CDH12: variants seen among roughly 807,000 people sequenced by gnomAD.
The protein encoded by CDH12 is cadherin-12.
CDH12 carries 41 observed loss-of-function variants against 74.1 expected under a neutral mutation model. The ratio of observed to expected loss-of-function variants is 0.55; its 90% CI spans 0.43 to 0.72. The LOEUF is 0.72. Ranked by LOEUF, CDH12 falls within the 30% of genes least tolerant of loss-of-function variation. The pLI is 0.00. For missense variants in CDH12, 945 were observed against 977.2 expected, an observed-to-expected ratio of 0.97 and a Z score of 0.44; for synonymous variants, 399 against 355.0, an observed-to-expected ratio of 1.12 and a Z score of -1.39.
At chr5:21,949,439 G>C (rs1189734942) in intron 6 of CDH12, among the ~76,000 whole-genome samples, 1 of 138,806 alleles carries the variant, frequency 7.2e-6, no homozygotes, top group African/African-American at 2.9e-5. Context: ...GACAGAACGA[G>C]ACTCTGTCTC....
At chr5:22,604,654 A>G (rs527302195) in intron 1 of CDH12, among the ~76,000 whole-genome samples, 7 of 152,302 alleles carry the variant, frequency 4.6e-5, no homozygotes, top group East Asian at 3.9e-4. Flanking sequence ...AGATAAAAGC[A>G]CCAACCAACA....
At chr5:22,339,742 C>A (rs1423964590) in intron 3 of CDH12, among the ~76,000 whole-genome samples, 1 of 152,086 alleles carries the variant, frequency 6.6e-6, no homozygotes, top group Non-Finnish European at 1.5e-5. Flanking sequence ...ATTCACAAGC[C>A]TTTAGCAGGT....
intron 2 of CDH12, among the ~76,000 whole-genome samples, chr5:22,434,767 T>C (rs1466994802): frequency 6.9e-6 from 1 of 145,728 alleles, no homozygotes; most frequent in Non-Finnish European, 1.5e-5. Flanking sequence ...TTTTGTGTGC[T>C]TTTTTTTTCT....
At chr5:22,017,363 T>A (rs1020070433) in intron 5 of CDH12, among the ~76,000 whole-genome samples, 6 of 152,038 alleles carry the variant, frequency 3.9e-5, no homozygotes, top group Non-Finnish European at 8.8e-5. Flanking sequence ...CAATTCCAGA[T>A]AAAGGGAACT....
chr5:22,623,782 A>G (rs1580826397), intron 1 of CDH12, among the ~76,000 whole-genome samples: 1 of 152,184 alleles, frequency 6.6e-6, no homozygotes, highest in African/African-American at 2.4e-5. Flanking sequence ...TCAAGCTACC[A>G]ATGACTTTCT....
chr5:22,033,248 C>T (rs1738949408), intron 5 of CDH12, among the ~76,000 whole-genome samples: 1 of 152,098 alleles, frequency 6.6e-6, no homozygotes, highest in Admixed American at 6.6e-5. Flanking sequence ...GTAGTCTCAG[C>T]ATTACAAGAA....
rs534589061 is a variant in CDH12, at chr5:22,032,813, T to TACAC, written c.231+45632_231+45633insGTGT. 3.9e-3 allele frequency among the ~76,000 whole-genome samples: 580 copies of TACAC among 148,762 alleles called. 8 individuals carry two copies. The highest frequency in any genetic ancestry group is 0.014 in the Middle Eastern group (4 of 280). ...TATTTATATATATATAGTGTGTATA[T>TACAC]ATACACACACACACACACACACGCA... On this transcript the variant is annotated intron_variant, in intron 5 of 14. Transcript: ENST00000382254.
At chr5:22,292,325 G>A (rs1737423027) in intron 3 of CDH12, among the ~76,000 whole-genome samples, 1 of 134,400 alleles carries the variant, frequency 7.4e-6, no homozygotes, top group South Asian at 2.5e-4. Flanking sequence ...GTTGCTTTTT[G>A]GGGTTTTTGG....
chr5:22,706,478 G>A lies in CDH12; in HGVS notation c.-523+146580C>T, dbSNP rs1386544. Among the ~76,000 whole-genome samples the A allele has an allele frequency of 4.0e-5, 6 of 151,774 alleles. No individual in the cohort carries two copies. The South Asian group carries it at 1.2e-3, about 32-fold the overall frequency. ...ATAAATAATATGAATGTTTTGGTAT[G>A]TTACATTTATTTTTATAATTTATTT... is the stretch of plus-strand genomic sequence containing the variant. On this transcript the variant is annotated intron_variant, in intron 1 of 14. Coordinates refer to ENST00000382254, the MANE Select transcript of CDH12 (RefSeq NM_004061.5).
rs187840813 is a variant in CDH12 at position 22,136,873 on chromosome 5, T to C, written c.-186-58011A>G. On this transcript the variant is annotated intron_variant, in intron 4 of 14. Coordinates refer to ENST00000382254, the MANE Select transcript of CDH12 (RefSeq NM_004061.5). ...GCCTATATCATTTAAGACCTGAAAC[T>C]TGACCAAGCAGAATAAATGAATGAA... 9.6e-3 allele frequency among the ~76,000 whole-genome samples: 1,454 copies of C among 151,792 alleles called. 72 individuals are homozygous for C. Among genetic ancestry groups the C allele is most frequent in the Admixed American group, 0.083 (1,262 of 15,190 alleles).
rs1002184749 is a variant in CDH12, at chr5:22,112,977, G to A, written c.-186-34115C>T. ...AGTGAGCTTTCAATCAAGCATGGTCGTAGTTATTTTAACATTAAGATGAAA... is the reference window on the plus strand; with the variant it reads ...AGTGAGCTTTCAATCAAGCATGGTCATAGTTATTTTAACATTAAGATGAAA... On this transcript the variant is annotated intron_variant, in intron 4 of 14. Transcript: ENST00000382254. Among the ~76,000 whole-genome samples, 6 of 152,074 alleles carry A rather than the reference G, an allele frequency of 3.9e-5. 1 individual carries two copies. The highest frequency in any genetic ancestry group is 4.1e-4 in the South Asian group (2 of 4,822).
chr5:22,410,895 G>C (rs1403040221), intron 2 of CDH12, among the ~76,000 whole-genome samples: 1 of 152,068 alleles, frequency 6.6e-6, no homozygotes, highest in African/African-American at 2.4e-5. Flanking sequence ...GGGGGAAGGA[G>C]TGGCAAAGAA....
intron 1 of CDH12, among the ~76,000 whole-genome samples, chr5:22,642,299 GAAT>G (rs1323041986): frequency 6.6e-6 from 1 of 152,154 alleles, no homozygotes; most frequent in Non-Finnish European, 1.5e-5. Context: ...TAGGCTACTA[GAAT>G]AACACAATTT....
At chr5:22,451,845 C>T (rs889621669) in intron 2 of CDH12, among the ~76,000 whole-genome samples, 11 of 151,418 alleles carry the variant, frequency 7.3e-5, no homozygotes, top group African/African-American at 2.7e-4. Context: ...GTAGTGTAGA[C>T]TCCACTAATA....
chr5:22,131,639 T>C (rs1008343712), intron 4 of CDH12, among the ~76,000 whole-genome samples: 16 of 152,246 alleles, frequency 1.1e-4, no homozygotes, highest in African/African-American at 3.8e-4. Flanking sequence ...GCACACACTG[T>C]CAATAGGCAA....
intron 4 of CDH12, among the ~76,000 whole-genome samples, chr5:22,100,954 T>G (rs1257441822): frequency 6.6e-6 from 1 of 152,122 alleles, no homozygotes; most frequent in Non-Finnish European, 1.5e-5. Context: ...TTACATGAAA[T>G]TTATTCTTGA....
At chr5:22,171,033 T>C (rs982440266) in intron 4 of CDH12, among the ~76,000 whole-genome samples, 2 of 151,772 alleles carry the variant, frequency 1.3e-5, no homozygotes, top group African/African-American at 4.8e-5. Flanking sequence ...TTTTTGCCAG[T>C]TTTAACAGTT....
chr5:21,888,078 T>C (rs1461513401), intron 6 of CDH12, among the ~76,000 whole-genome samples: 3 of 152,246 alleles, frequency 2.0e-5, no homozygotes, highest in South Asian at 2.1e-4. Flanking sequence ...CTGAAAAGAC[T>C]GCTACATTAG....
chr5:21,923,179 AC>A (rs1754436835), intron 6 of CDH12, among the ~76,000 whole-genome samples: 1 of 152,162 alleles, frequency 6.6e-6, no homozygotes, highest in Non-Finnish European at 1.5e-5. Flanking sequence ...CAGCTAAGTT[AC>A]GTTATGTGAA....
Sources: gnomAD v4.1 joint callset for allele counts (sites outside exome capture counted in the v4.1 genomes callset) on GRCh38, gnomAD v4.1.1 for gene constraint, MANE v1.5 for transcripts, NCBI Gene and HGNC (gene_info 2026-07-23, HGNC 2026-07-21) for gene names.